The following CDKL2 variants were observed in gnomAD, a reference collection of about 807,000 sequenced individuals.
CDKL2 encodes the protein cyclin dependent kinase like 2.
In CDKL2, 64 loss-of-function variants were observed where a neutral mutation model predicts 63.9. That is an observed-to-expected ratio of 1.00 (90% CI 0.82 to 1.23). CDKL2 has a LOEUF of 1.23. Ranked by LOEUF, CDKL2 falls within the 50% of genes most tolerant of loss-of-function variation. The probability of loss-of-function intolerance (pLI) is 0.00; values close to 1 mark genes in which losing one functional copy is unlikely to be tolerated. For missense variants in CDKL2, 656 were observed against 668.0 expected, an observed-to-expected ratio of 0.98 and a Z score of 0.20; for synonymous variants, 211 against 229.2, an observed-to-expected ratio of 0.92 and a Z score of 0.72.
At chr4:75,627,677 TAAC>T (rs1196953124) in intron 1 of CDKL2, among the ~76,000 whole-genome samples, 2 of 151,264 alleles carry the variant, frequency 1.3e-5, no homozygotes, top group African/African-American at 2.4e-5. Context: ...TTTGATCACA[TAAC>T]AAATTAACAC....
chr4:75,621,382 A>G (rs1730151138), intron 2 of CDKL2, among the ~76,000 whole-genome samples: 1 of 152,058 alleles, frequency 6.6e-6, no homozygotes, highest in Non-Finnish European at 1.5e-5. Flanking sequence ...CTAGAAGAAA[A>G]TGGTTATTAA....
intron 2 of CDKL2, among the ~76,000 whole-genome samples, chr4:75,623,713 A>ACAT (rs1328942912): frequency 6.6e-6 from 1 of 152,250 alleles, no homozygotes; most frequent in Admixed American, 6.5e-5. Context: ...TATTCAAAAT[A>ACAT]CATCAGATAT....
chr4:75,584,964 C>T (rs1236597016), intron 12 of CDKL2, among the ~76,000 whole-genome samples: 1 of 152,132 alleles, frequency 6.6e-6, no homozygotes, highest in Non-Finnish European at 1.5e-5. Context: ...AAATAATAAA[C>T]GAATACACAT....
At chr4:75,593,495 T>C (rs1728794253) in intron 10 of CDKL2, among the ~76,000 whole-genome samples, 1 of 152,066 alleles carries the variant, frequency 6.6e-6, no homozygotes, top group Non-Finnish European at 1.5e-5. Context: ...CTTCACCTCC[T>C]CTCTTGATTA....
At chr4:75,620,855 G>A (rs188765026) in intron 2 of CDKL2, among the ~76,000 whole-genome samples, 2 of 152,174 alleles carry the variant, frequency 1.3e-5, no homozygotes, top group African/African-American at 4.8e-5. Context: ...GCTATCAGTA[G>A]TAGCTGATAT....
In CDKL2 at chr4:75,599,894, G is replaced by A. The variant is rs144805549; in HGVS notation, c.884+387C>T. Reference sequence around the variant, plus strand: ...GGTCTCCAACACATCAGCAGTGTCAGCAGTATCAAAGGACTTGGTGTGGTA... The same window carrying A: ...GGTCTCCAACACATCAGCAGTGTCAACAGTATCAAAGGACTTGGTGTGGTA... On this transcript the variant is annotated intron_variant, in intron 7 of 13. Coordinates refer to ENST00000307465, the MANE Select transcript of CDKL2 (RefSeq NM_001330724.2). Among the ~76,000 whole-genome samples the A allele has an allele frequency of 7.2e-5, 11 of 152,340 alleles. No individual in the cohort carries two copies. In the East Asian group the frequency reaches 2.1e-3, roughly 29 times the overall value.
chr4:75,615,105 T>C (rs534473988), intron 2 of CDKL2, among the ~76,000 whole-genome samples: 5 of 152,086 alleles, frequency 3.3e-5, no homozygotes, highest in African/African-American at 9.6e-5. Flanking sequence ...TGAGGCAGTG[T>C]AGAAGGCAAA....
At chr4:75,595,384 A>T (rs975630236) in intron 10 of CDKL2, among the ~76,000 whole-genome samples, 4 of 151,854 alleles carry the variant, frequency 2.6e-5, no homozygotes, top group Non-Finnish European at 5.9e-5. Context: ...CTAACTTTTT[A>T]AAAAATTTTT....
In CDKL2 at chr4:75,603,617, C is replaced by A. The variant is rs192083380; in HGVS notation, c.795+200G>T. 1.5e-3 allele frequency among the ~76,000 whole-genome samples: 221 copies of A among 149,300 alleles called. 1 individual carries two copies. The highest frequency in any genetic ancestry group is 5.3e-3 in the African/African-American group (216 of 40,698). On this transcript the variant is annotated intron_variant, in intron 6 of 13. Transcript: ENST00000307465. ...TGGTGGCGAGCGCCTGTAGTCCCAG[C>A]TACTAGAGAGGTTGAGGCGGAAGAA...
At position 75,605,574 on chromosome 4, in the gene CDKL2, T is replaced by C. The variant is rs766056025; in HGVS notation, c.603A>G (p.Leu201=). ...LVTEMFMGEP[L]FPGDSDIDQL... is the part of the protein sequence containing the mutation. Reference sequence around the variant, plus strand: ...GATCAATATCAGAATCTCCAGGAAATAGGGGTTCCCCCATGAACATTTCAG... The same window carrying C: ...GATCAATATCAGAATCTCCAGGAAACAGGGGTTCCCCCATGAACATTTCAG... The change falls in exon 5 of 14, where the codon CTA becomes CTG. Residue 201 remains leucine, a synonymous_variant. Coordinates refer to ENST00000307465, the MANE Select transcript of CDKL2 (RefSeq NM_001330724.2). 2.0e-5 allele frequency: 32 copies of C among 1,613,362 alleles called. No homozygotes were observed. Among genetic ancestry groups the C allele is most frequent in the Non-Finnish European group, 2.0e-5 (24 of 1,179,526 alleles).
intron 2 of CDKL2, among the ~76,000 whole-genome samples, chr4:75,623,290 T>A (rs1308331088): frequency 6.6e-6 from 1 of 151,992 alleles, no homozygotes; most frequent in Non-Finnish European, 1.5e-5. Flanking sequence ...AAAAAAAACC[T>A]ACTAACTAGA....
At chr4:75,601,813 T>C (rs1729199824) in intron 6 of CDKL2, among the ~76,000 whole-genome samples, 1 of 152,208 alleles carries the variant, frequency 6.6e-6, no homozygotes, top group African/African-American at 2.4e-5. Context: ...TGGAAATGTA[T>C]TATTCTAAGA....
intron 12 of CDKL2, among the ~76,000 whole-genome samples, chr4:75,585,987 G>A (rs1578314412): frequency 6.6e-6 from 1 of 151,960 alleles, no homozygotes; most frequent in African/African-American, 2.4e-5. Context: ...ATTTTTTCAA[G>A]GGAATGAAGT....
At chr4:75,609,405 G>C (rs1158757933) in intron 3 of CDKL2, among the ~76,000 whole-genome samples, 1 of 151,748 alleles carries the variant, frequency 6.6e-6, no homozygotes, top group African/African-American at 2.4e-5. Context: ...AGGAGTTTGA[G>C]ACCAGCCTGG....
rs1407654141 is a variant in CDKL2 at position 75,578,020 on chromosome 4, T to G, written c.*1182A>C. The G allele has an allele frequency of 7.1e-6, 1 of 140,640 alleles. No homozygotes were observed. 8.7% of individuals were successfully genotyped at this position (140,640 alleles called of 1,614,324 possible). Reference sequence around the variant, plus strand: ...CAAAAAAAAAAAAAAAACTCACAAATTCTGGTTCCCTAAACAACCATTCTC... The same window carrying G: ...CAAAAAAAAAAAAAAAACTCACAAAGTCTGGTTCCCTAAACAACCATTCTC... On this transcript the variant is annotated 3_prime_UTR_variant, in exon 14 of 14. Transcript: ENST00000307465.
intron 6 of CDKL2, among the ~76,000 whole-genome samples, chr4:75,602,519 C>CTTTATTTATTTATTTA (rs778309738): frequency 6.7e-6 from 1 of 150,304 alleles, no homozygotes; most frequent in Non-Finnish European, 1.5e-5. Context: ...CTTCTCTATC[C>CTTTATTTATTTATTTA]TTTATTTATT....
At chr4:75,623,737 A>G (rs1730272851) in intron 2 of CDKL2, among the ~76,000 whole-genome samples, 1 of 152,244 alleles carries the variant, frequency 6.6e-6, no homozygotes, top group South Asian at 2.1e-4. Context: ...ATTACAAGTA[A>G]ATGGAATAAA....
At chr4:75,580,242 G>A (rs1046821575) in intron 13 of CDKL2, among the ~76,000 whole-genome samples, 2 of 150,678 alleles carry the variant, frequency 1.3e-5, no homozygotes, top group African/African-American at 2.4e-5. Context: ...CTGGGAGACA[G>A]AGCAAGACAC....
At chr4:75,624,098 TC>T (rs2148914697) in intron 2 of CDKL2, among the ~76,000 whole-genome samples, 1 of 140,932 alleles carries the variant, frequency 7.1e-6, no homozygotes, top group African/African-American at 2.7e-5. Flanking sequence ...GCCACTGCAC[TC>T]CAGCCTAGAT....
Sources: allele counts gnomAD v4.1 joint callset (sites outside exome capture counted in the v4.1 genomes callset), GRCh38; gene constraint gnomAD v4.1.1; transcripts MANE v1.5; gene names NCBI Gene and HGNC (gene_info 2026-07-23, HGNC 2026-07-21).